CLEC16A: variants seen among roughly 807,000 people sequenced by gnomAD.
CLEC16A encodes protein CLEC16A.
Under a neutral mutation model 109.5 loss-of-function variants are expected in CLEC16A, and 51 were observed. The ratio of observed to expected loss-of-function variants is 0.47; its 90% CI spans 0.37 to 0.59. The LOEUF (loss-of-function observed/expected upper bound fraction) is 0.59. CLEC16A is among the 20% of genes least tolerant of loss of function. The pLI, the probability that CLEC16A is intolerant of heterozygous loss-of-function variation, is 0.00. For synonymous variants in CLEC16A, 673 were observed against 564.2 expected (o/e 1.19, Z -2.73); for missense variants, 1,339 against 1,394.0 (o/e 0.96, Z 0.63).
intron 18 of CLEC16A, among the ~76,000 whole-genome samples, chr16:11,054,166 A>T (rs1048377386): frequency 6.6e-6 from 1 of 152,192 alleles, no homozygotes; most frequent in African/African-American, 2.4e-5. Flanking sequence ...CTTGGCTGTC[A>T]CCTCTTAACA....
At chr16:11,048,460 C>G (rs2047752745) in intron 17 of CLEC16A, 1 of 152,204 alleles carries the variant, frequency 6.6e-6, no homozygotes, top group African/African-American at 2.4e-5. Flanking sequence ...TATTACCCAC[C>G]AAAGCATGTG....
At chr16:11,089,050 G>T (rs1191736775) in intron 19 of CLEC16A, among the ~76,000 whole-genome samples, 1 of 152,122 alleles carries the variant, frequency 6.6e-6, no homozygotes, top group African/African-American at 2.4e-5. Context: ...TTCAGGGGAG[G>T]GGGAGGGTGT....
At chr16:11,075,528 G>A (rs71381192) in intron 19 of CLEC16A, among the ~76,000 whole-genome samples, 18,913 of 151,710 alleles carry the variant, frequency 0.12, 1,195 homozygotes, top group African/African-American at 0.15. Flanking sequence ...CTTGAACCCC[G>A]GGGGCTCAAG....
Position 11,181,909 on chromosome 16 carries a change from A to C in CLEC16A, c.*3219A>C, listed in dbSNP as rs1356654773. The C allele has an allele frequency of 5.2e-5, 8 of 152,672 alleles. No individual in the cohort carries two copies. The highest frequency in any genetic ancestry group is 1.9e-4 in the African/African-American group (8 of 41,450). 9.5% of individuals were successfully genotyped at this position (152,672 alleles called of 1,614,324 possible). A position where few individuals can be genotyped will look rare whatever the true frequency, so the allele number is the denominator to read the frequency against. On this transcript the variant is annotated 3_prime_UTR_variant, in exon 24 of 24. Coordinates refer to ENST00000409790, the MANE Select transcript of CLEC16A (RefSeq NM_015226.3). ...TCTTCTTGTCTAGATGCAATAAATA[A>C]ATCTGAAGCATTTAATGTAGTCATC...
At chr16:10,991,789 G>C (rs12149904) in intron 10 of CLEC16A, among the ~76,000 whole-genome samples, 1 of 152,154 alleles carries the variant, frequency 6.6e-6, no homozygotes, top group Non-Finnish European at 1.5e-5. Context: ...GTTTTGCTGC[G>C]GGATGCTTTG....
In CLEC16A at chr16:10,979,331, A is replaced by G. The variant is rs1596853487; in HGVS notation, c.906A>G (p.Gly302=). 1.9e-6 allele frequency: 3 copies of G among 1,612,038 alleles called. No homozygotes were observed. The East Asian group carries it at 6.7e-5, about 36-fold the overall frequency. Residue 302 remains glycine, a splice_region_variant and synonymous_variant, in exon 9 of 24, where the codon GGA becomes GGG. Transcript: ENST00000409790. The part of the protein sequence containing the change: ...YVYSLENQDK[G]GERPKISLPV... ...TCTCTCCTGCCACCCTGCACTAGGG[A>G]GGAGAACGGCCGAAAATTAGCCTGC...
At chr16:11,037,213 A>G (rs1398023734) in intron 13 of CLEC16A, among the ~76,000 whole-genome samples, 1 of 152,186 alleles carries the variant, frequency 6.6e-6, no homozygotes, top group Non-Finnish European at 1.5e-5. Flanking sequence ...TTGTCAGCCC[A>G]AGAGGACGGG....
At chr16:11,023,971 G>C (rs947703894) in intron 12 of CLEC16A, among the ~76,000 whole-genome samples, 24 of 152,228 alleles carry the variant, frequency 1.6e-4, no homozygotes, top group African/African-American at 5.8e-4. Flanking sequence ...TGGAAAGGCA[G>C]CATTTGGGAT....
intron 22 of CLEC16A, among the ~76,000 whole-genome samples, chr16:11,132,828 T>C (rs966897306): frequency 1.3e-5 from 2 of 152,098 alleles, no homozygotes; most frequent in African/African-American, 4.8e-5. Context: ...TGAATACCGA[T>C]GTGTGGGCGG....
intron 19 of CLEC16A, among the ~76,000 whole-genome samples, chr16:11,080,549 C>T (rs1172661916): frequency 6.6e-6 from 1 of 152,230 alleles, no homozygotes; most frequent in Non-Finnish European, 1.5e-5. Flanking sequence ...CATATGGCTG[C>T]TGCTACACAT....
chr16:11,112,495 CAAAAAAAA>C (rs984574100), intron 19 of CLEC16A, among the ~76,000 whole-genome samples: 2 of 85,596 alleles, frequency 2.3e-5, no homozygotes, highest in African/African-American at 4.2e-5. Flanking sequence ...CCTATCTCTA[CAAAAAAAA>C]AAAAAAAAAA....
Position 11,036,818 on chromosome 16 carries a change from G to A in CLEC16A, c.1538-2936G>A, listed in dbSNP as rs1468531586. On this transcript the variant is annotated intron_variant, in intron 13 of 23. Coordinates refer to ENST00000409790, the MANE Select transcript of CLEC16A (RefSeq NM_015226.3). ...CCCACCTTGGCCTCCCAAAGTGCTGGTATTAAAAACATGAGCCACCGTGCC... is the reference window on the plus strand; with the variant it reads ...CCCACCTTGGCCTCCCAAAGTGCTGATATTAAAAACATGAGCCACCGTGCC... Among the ~76,000 whole-genome samples the A allele has an allele frequency of 2.0e-5, 3 of 152,230 alleles. No homozygotes were observed. In the East Asian group the frequency reaches 5.8e-4, roughly 29 times the overall value.
chr16:11,151,110 AG>A (rs2054275614), intron 22 of CLEC16A, among the ~76,000 whole-genome samples: 1 of 152,220 alleles, frequency 6.6e-6, no homozygotes, highest in Non-Finnish European at 1.5e-5. Context: ...AAGAATTTGA[AG>A]GGGACACAGT....
At chr16:11,120,841 A>C (rs80185447) in intron 20 of CLEC16A, 75 bp downstream of exon 20, 117 of 922,824 alleles carry the variant, frequency 1.3e-4, no homozygotes, top group Admixed American at 2.6e-4. Flanking sequence ...CACACACACC[A>C]CACACAATTG....
chr16:11,019,406 T>G (rs1567202757), intron 11 of CLEC16A, among the ~76,000 whole-genome samples: 1 of 152,162 alleles, frequency 6.6e-6, no homozygotes, highest in Non-Finnish European at 1.5e-5. Context: ...TCTCTCTGCC[T>G]TCTGGAAGTT....
rs200808449 is a variant in CLEC16A at position 11,052,473 on chromosome 16, C to T, written c.1995+832C>T. ...ACACGAGGAGTCTGAACCTTCCTCC[C>T]TGCAGCTGGTGGTTCTACCTCGGAA... On this transcript the variant is annotated intron_variant, in intron 18 of 23. Transcript: ENST00000409790. 5.3e-5 allele frequency among the ~76,000 whole-genome samples: 8 copies of T among 152,328 alleles called. No homozygotes were observed. The East Asian group carries it at 1.5e-3, about 29-fold the overall frequency.
At chr16:11,049,003 T>C (rs1597201045) in intron 17 of CLEC16A, among the ~76,000 whole-genome samples, 1 of 131,088 alleles carries the variant, frequency 7.6e-6, no homozygotes, top group South Asian at 2.4e-4. Flanking sequence ...TTCTGAGCCT[T>C]GATTTTTTTC....
At chr16:10,975,303 T>G (rs28673206) in intron 7 of CLEC16A, among the ~76,000 whole-genome samples, 1,664 of 152,256 alleles carry the variant, frequency 0.011, 21 homozygotes, top group African/African-American at 0.038. Flanking sequence ...CACTCCAGCC[T>G]GGGTGACAGA....
intron 10 of CLEC16A, among the ~76,000 whole-genome samples, chr16:11,002,499 T>C (rs1442182215): frequency 6.6e-6 from 1 of 152,236 alleles, no homozygotes; most frequent in Non-Finnish European, 1.5e-5. Flanking sequence ...TTTATTAAAA[T>C]ATGTTTTTAT....
Sources: gnomAD v4.1 joint callset for allele counts (sites outside exome capture counted in the v4.1 genomes callset) on GRCh38, gnomAD v4.1.1 for gene constraint, MANE v1.5 for transcripts, NCBI Gene and HGNC (gene_info 2026-07-23, HGNC 2026-07-21) for gene names.